Variants in GRIP1 observed in about 807,000 individuals in gnomAD.
GRIP1 encodes the protein glutamate receptor interacting protein 1, also known as glutamate receptor-interacting protein 1.
GRIP1 carries 45 observed loss-of-function variants against 129.9 expected under a neutral mutation model. The observed-to-expected ratio is 0.35, with a 90% CI of 0.27 to 0.44. The LOEUF (loss-of-function observed/expected upper bound fraction) is 0.44, where lower values mean the gene tolerates loss of function less well. GRIP1 is among the 20% of genes least tolerant of loss of function. The pLI, the probability that GRIP1 is intolerant of heterozygous loss-of-function variation, is 1.00. For missense variants in GRIP1, 1,196 were observed against 1,396.8 expected, an observed-to-expected ratio of 0.86 and a Z score of 2.29; for synonymous variants, 530 against 520.8, an observed-to-expected ratio of 1.02 and a Z score of -0.24.
chr12:66,633,065 C>G (rs887676652), intron 1 of GRIP1, among the ~76,000 whole-genome samples: 2 of 151,482 alleles, frequency 1.3e-5, no homozygotes, highest in Non-Finnish European at 2.9e-5. Context: ...AAGGCTAGAG[C>G]GCAGTGACAC....
In GRIP1 at chr12:66,973,919, C is replaced by CTTTTTTTTTT. The variant is rs535699240; in HGVS notation, c.58+95121_58+95130dup. On this transcript the variant is annotated intron_variant, in intron 1 of 1. Coordinates refer to the GRIP1 transcript ENST00000643019. ...AGTTAGAAGGCTTTTCTTTTCTTTTCTTTTTTTTTTTTTTTTTTGAGTCAG... is the reference window on the plus strand; with the variant it reads ...AGTTAGAAGGCTTTTCTTTTCTTTTCTTTTTTTTTTTTTTTTTTTTTTTTTTTTGAGTCAG... 4.0e-4 allele frequency among the ~76,000 whole-genome samples: 48 copies of CTTTTTTTTTT among 121,316 alleles called. 1 individual carries two copies. Among genetic ancestry groups the CTTTTTTTTTT allele is most frequent in the Non-Finnish European group, 5.4e-4 (32 of 59,812 alleles). The allele number at this position is 121,316 out of a possible 152,430, so 79.6% of individuals were successfully genotyped here.
chr12:66,879,299 A>C (rs1036037647), intron 1 of GRIP1, among the ~76,000 whole-genome samples: 2 of 152,112 alleles, frequency 1.3e-5, no homozygotes, highest in Admixed American at 6.6e-5. Context: ...GCAACAGTTT[A>C]AATAGTTTAC....
At chr12:66,594,689 A>C (rs1275971877) in intron 2 of GRIP1, among the ~76,000 whole-genome samples, 1 of 152,084 alleles carries the variant, frequency 6.6e-6, no homozygotes, top group African/African-American at 2.4e-5. Flanking sequence ...AAGCTCTGGT[A>C]AATAATAAAG....
intron 1 of GRIP1, among the ~76,000 whole-genome samples, chr12:66,827,396 G>C (rs1389052185): frequency 6.7e-6 from 1 of 148,268 alleles, no homozygotes; most frequent in Admixed American, 6.8e-5. Context: ...GTGAGAGAGA[G>C]AGAGAGAGAG....
intron 17 of GRIP1, among the ~76,000 whole-genome samples, chr12:66,393,670 G>A (rs541160491): frequency 3.0e-4 from 45 of 152,270 alleles, no homozygotes; most frequent in African/African-American, 7.7e-4. Flanking sequence ...GCAGTTTAGC[G>A]GAGGGTGGGG....
chr12:66,513,784 C>T (rs890890498), intron 7 of GRIP1, among the ~76,000 whole-genome samples: 1 of 152,120 alleles, frequency 6.6e-6, no homozygotes, highest in Non-Finnish European at 1.5e-5. Context: ...AGGTTTCATT[C>T]AGAATGTGAG....
intron 1 of GRIP1, among the ~76,000 whole-genome samples, chr12:66,685,936 T>C (rs1463233394): frequency 1.3e-5 from 2 of 152,198 alleles, no homozygotes. Flanking sequence ...ACCTAGCACA[T>C]AGCGCCAATG....
At chr12:66,388,927 T>C (rs371055468) in intron 19 of GRIP1, among the ~76,000 whole-genome samples, 10 of 152,196 alleles carry the variant, frequency 6.6e-5, no homozygotes, top group African/African-American at 2.4e-4. Flanking sequence ...CATTACATAC[T>C]GGTTGAAGGA....
At chr12:67,026,664 G>GT (rs1412767528) in intron 1 of GRIP1, among the ~76,000 whole-genome samples, 2 of 152,100 alleles carry the variant, frequency 1.3e-5, no homozygotes, top group Non-Finnish European at 2.9e-5. Context: ...TCTCACACAT[G>GT]TTAACATGCC....
intron 1 of GRIP1, among the ~76,000 whole-genome samples, chr12:67,031,463 T>C (rs567108597): frequency 8.2e-4 from 124 of 152,116 alleles, no homozygotes; most frequent in Non-Finnish European, 1.5e-3. Context: ...TATTACCCAT[T>C]CTCAAAATGT....
intron 1 of GRIP1, chr12:67,037,634 CA>C (rs1278708672): frequency 2.0e-5 from 3 of 152,000 alleles, no homozygotes; most frequent in African/African-American, 4.8e-5. Context: ...CAAGCAAAAA[CA>C]GTTAAATTAG....
chr12:66,815,820 AT>A, intron 1 of GRIP1, among the ~76,000 whole-genome samples: 2 of 118,630 alleles, frequency 1.7e-5, no homozygotes, highest in East Asian at 5.9e-4. Flanking sequence ...AAGATGAAAG[AT>A]TTCTTTCTTT....
At chr12:66,637,574 G>A in intron 1 of GRIP1, among the ~76,000 whole-genome samples, 1 of 150,916 alleles carries the variant, frequency 6.6e-6, no homozygotes, top group East Asian at 1.9e-4. Flanking sequence ...ATTTTTGTAT[G>A]TTTTTTTTTA....
intron 1 of GRIP1, among the ~76,000 whole-genome samples, chr12:66,651,592 C>T (rs531161064): frequency 4.6e-5 from 7 of 152,288 alleles, no homozygotes; most frequent in African/African-American, 1.4e-4. Context: ...CACTTTAATA[C>T]ACCATGGCTA....
intron 1 of GRIP1, among the ~76,000 whole-genome samples, chr12:66,863,696 G>A (rs570538159): frequency 4.6e-5 from 7 of 152,216 alleles, no homozygotes; most frequent in African/African-American, 9.6e-5. Flanking sequence ...AGCAGAAGAT[G>A]CAGTGGGAAT....
At chr12:66,937,160 G>A (rs1011759600) in intron 1 of GRIP1, among the ~76,000 whole-genome samples, 1 of 152,062 alleles carries the variant, frequency 6.6e-6, no homozygotes, top group African/African-American at 2.4e-5. Flanking sequence ...AGATACCTGA[G>A]TGGCTCACTG....
chr12:66,582,568 C>A (rs1026935909), intron 2 of GRIP1, among the ~76,000 whole-genome samples: 2 of 139,184 alleles, frequency 1.4e-5, no homozygotes, highest in Admixed American at 1.5e-4. Context: ...TCTCAGGATA[C>A]AAAATCAACG....
chr12:66,872,395 T>C (rs1414092603), intron 1 of GRIP1, among the ~76,000 whole-genome samples: 1 of 152,094 alleles, frequency 6.6e-6, no homozygotes, highest in African/African-American at 2.4e-5. Context: ...CCTGTAAGTT[T>C]ACACTCAACT....
chr12:67,049,970 C>CTTTTTTTTTT (rs62802760), intron 1 of GRIP1, among the ~76,000 whole-genome samples: 7 of 126,598 alleles, frequency 5.5e-5, no homozygotes, highest in South Asian at 2.6e-4. Flanking sequence ...ATTTGAATTT[C>CTTTTTTTTTT]TTTTTTTTTT....
Sources: gnomAD v4.1 joint callset for allele counts (sites outside exome capture counted in the v4.1 genomes callset) on GRCh38, gnomAD v4.1.1 for gene constraint, MANE v1.5 for transcripts, NCBI Gene and HGNC (gene_info 2026-07-23, HGNC 2026-07-21) for gene names.